Variants in UBA6 observed in about 807,000 individuals in gnomAD.
UBA6 encodes the protein ubiquitin like modifier activating enzyme 6.
Under a neutral mutation model 148.3 loss-of-function variants are expected in UBA6, and 87 were observed. The ratio of observed to expected loss-of-function variants is 0.59; its 90% CI spans 0.49 to 0.70. UBA6 has a LOEUF of 0.70. Among genes scored for constraint, UBA6 ranks in the 30% least tolerant of loss-of-function variants. The pLI is 0.00. For synonymous variants in UBA6, 376 were observed against 401.0 expected (o/e 0.94, Z 0.75); for missense variants, 1,186 against 1,241.2 (o/e 0.96, Z 0.67).
chr4:67,615,824 G>T lies in UBA6; in HGVS notation c.*3173C>A, dbSNP rs1161079647. On this transcript the variant is annotated 3_prime_UTR_variant, in exon 33 of 33. Transcript: ENST00000322244. ...TTGTTTAAGTTTACACACATAGGTG[G>T]TAACACTATAAAAACAAAGAGACAA... 4.0e-6 allele frequency: 1 copy of T among 247,998 alleles called. No individual in the cohort carries two copies. The highest frequency in any genetic ancestry group is 7.6e-6 in the Non-Finnish European group (1 of 131,824). The allele number at this position is 247,998 out of a possible 1,614,324, so 15.4% of individuals were successfully genotyped here. A position where few individuals can be genotyped will look rare whatever the true frequency, so the allele number is the denominator to read the frequency against.
chr4:67,689,662 AG>A (rs1730650131), intron 2 of UBA6, among the ~76,000 whole-genome samples: 1 of 152,122 alleles, frequency 6.6e-6, no homozygotes, highest in Non-Finnish European at 1.5e-5. Flanking sequence ...TTTTTGCTTA[AG>A]GATGGAATGT....
intron 6 of UBA6, 102 bp downstream of exon 6, chr4:67,677,507 TTC>T: frequency 1.9e-6 from 1 of 517,840 alleles, no homozygotes; most frequent in Non-Finnish European, 3.3e-6. Flanking sequence ...AATTTTTTTG[TTC>T]TGTTTCTCAA....
chr4:67,640,359 T>C (rs1355860679), intron 18 of UBA6, among the ~76,000 whole-genome samples: 2 of 152,254 alleles, frequency 1.3e-5, no homozygotes, highest in Non-Finnish European at 1.5e-5. Context: ...GGCAATTAGA[T>C]TAACTATGAC....
rs574962601 is a variant in UBA6, at chr4:67,618,240, G to C, written c.*757C>G. On this transcript the variant is annotated 3_prime_UTR_variant, in exon 33 of 33. Transcript: ENST00000322244. ...AAATAGCCACATTAGAAGGCATACT[G>C]AAGAATCAAATGGTTAGCCACATTT... 2.6e-5 allele frequency: 4 copies of C among 152,660 alleles called. No individual in the cohort carries two copies. Among genetic ancestry groups the C allele is most frequent in the African/African-American group, 9.6e-5 (4 of 41,562 alleles). 9.5% of individuals were successfully genotyped at this position (152,660 alleles called of 1,614,324 possible). A position where few individuals can be genotyped will look rare whatever the true frequency, so the allele number is the denominator to read the frequency against.
intron 13 of UBA6, among the ~76,000 whole-genome samples, chr4:67,649,491 A>G (rs1394070826): frequency 6.6e-6 from 1 of 152,214 alleles, no homozygotes; most frequent in African/African-American, 2.4e-5. Flanking sequence ...TCTACCATTT[A>G]TAGTTTTTGT....
chr4:67,679,013 C>T (rs1730357814), intron 4 of UBA6, among the ~76,000 whole-genome samples: 1 of 151,924 alleles, frequency 6.6e-6, no homozygotes. Context: ...AATCAAAATG[C>T]CCACCAATGG....
At chr4:67,643,549 T>C (rs559515141) in intron 17 of UBA6, among the ~76,000 whole-genome samples, 56 of 152,194 alleles carry the variant, frequency 3.7e-4, no homozygotes, top group African/African-American at 3.4e-4. Context: ...AATTTCTCAT[T>C]AGTGACTTCT....
chr4:67,623,024 A>C (rs1728786212), intron 31 of UBA6, 99 bp from the exon 32 acceptor site: 1 of 1,365,242 alleles, frequency 7.3e-7, no homozygotes. Flanking sequence ...GACCAGTAAA[A>C]AAAGCAAATT....
chr4:67,616,376 A>G lies in UBA6; in HGVS notation c.*2621T>C, dbSNP rs559137450. Reference sequence around the variant, plus strand: ...CTTCATTTTACTAATTATAAAATAAACATAGTTGCTTTTTTAATGTTCCAT... The same window carrying G: ...CTTCATTTTACTAATTATAAAATAAGCATAGTTGCTTTTTTAATGTTCCAT... On this transcript the variant is annotated 3_prime_UTR_variant, in exon 33 of 33. Transcript: ENST00000322244. The G allele has an allele frequency of 2.9e-5, 10 of 349,034 alleles. No individual in the cohort carries two copies. In the South Asian group the frequency reaches 1.4e-3, roughly 47 times the overall value. The allele number at this position is 349,034 out of a possible 1,614,324, so 21.6% of individuals were successfully genotyped here.
chr4:67,663,255 G>C, intron 11 of UBA6, 40 bp from the exon 12 acceptor site: 3 of 1,410,088 alleles, frequency 2.1e-6, no homozygotes, highest in African/African-American at 1.4e-5. Context: ...TTTACTGAGT[G>C]GTTGTATGTC....
In UBA6 at chr4:67,613,294, A is replaced by G. The variant is rs1252444686; in HGVS notation, c.*5703T>C. 21 of 152,366 alleles carry G rather than the reference A, an allele frequency of 1.4e-4. No homozygotes were observed. The East Asian group carries it at 1.7e-3, about 13-fold the overall frequency. The allele number at this position is 152,366 out of a possible 1,614,324, so 9.4% of individuals were successfully genotyped here. Reference sequence around the variant, plus strand: ...GTTTTTTCAAACAATATTGGTAAATAATTAAAGGTAACCAGGCACACAAGG... The same window carrying G: ...GTTTTTTCAAACAATATTGGTAAATGATTAAAGGTAACCAGGCACACAAGG... On this transcript the variant is annotated 3_prime_UTR_variant, in exon 33 of 33. Transcript: ENST00000322244.
Position 67,641,156 on chromosome 4 carries a change from T to C in UBA6, c.1549A>G (p.Ile517Val), listed in dbSNP as rs1447762391. The C allele has an allele frequency of 1.3e-6, 2 of 1,583,840 alleles. No homozygotes were observed. The highest frequency in any genetic ancestry group is 1.7e-6 in the Non-Finnish European group (2 of 1,162,422). ...GAAACAGAATAGCAACATACCTGTA[T>C]GTGATGAGGACGAAATAGGAACTGT... ...NRQFLFRPHH[I>V]QKPKSYTAAD... Residue 517 changes from isoleucine to valine, a missense_variant, in exon 18 of 33, where the codon ATA becomes GTA. Physicochemically the swap from Ile to Val is conservative, Grantham distance 29. Coordinates refer to ENST00000322244, the MANE Select transcript of UBA6 (RefSeq NM_018227.6).
intron 9 of UBA6, among the ~76,000 whole-genome samples, chr4:67,667,265 G>A (rs1183804264): frequency 6.6e-6 from 1 of 151,834 alleles, no homozygotes; most frequent in African/African-American, 2.4e-5. Flanking sequence ...GATATAGTCA[G>A]GAAACAAAAT....
At chr4:67,669,325 C>T (rs141223733) in intron 8 of UBA6, among the ~76,000 whole-genome samples, 1 of 152,142 alleles carries the variant, frequency 6.6e-6, no homozygotes, top group Non-Finnish European at 1.5e-5. Context: ...AATAATCACT[C>T]TTTGAGCAGA....
At chr4:67,638,855 T>A in intron 19 of UBA6, 88 bp downstream of exon 19, 1 of 971,532 alleles carries the variant, frequency 1.0e-6, no homozygotes. Flanking sequence ...AATAATCAGA[T>A]AATTCCGTAA....
chr4:67,627,939 T>C (rs1577790309), intron 27 of UBA6, among the ~76,000 whole-genome samples: 1 of 55,804 alleles, frequency 1.8e-5, no homozygotes, highest in Non-Finnish European at 4.2e-5. Context: ...CCCTATTGCT[T>C]TTTTTTTTTT....
chr4:67,637,657 T>C (rs558039676), intron 19 of UBA6, among the ~76,000 whole-genome samples: 1 of 152,206 alleles, frequency 6.6e-6, no homozygotes, highest in African/African-American at 2.4e-5. Context: ...CGGTGCTCTC[T>C]GAAACGTGTG....
At chr4:67,696,102 T>A (rs1340339601) in intron 2 of UBA6, among the ~76,000 whole-genome samples, 2 of 152,138 alleles carry the variant, frequency 1.3e-5, no homozygotes, top group Admixed American at 6.5e-5. Context: ...CTCCACTGTC[T>A]ATAAATTACA....
At chr4:67,669,117 C>T (rs1300455901) in intron 8 of UBA6, among the ~76,000 whole-genome samples, 1 of 152,128 alleles carries the variant, frequency 6.6e-6, no homozygotes, top group Non-Finnish European at 1.5e-5. Context: ...ACAGCTTGCT[C>T]AACACTTTAA....
Sources: gnomAD v4.1 joint callset for allele counts (sites outside exome capture counted in the v4.1 genomes callset) on GRCh38, gnomAD v4.1.1 for gene constraint, MANE v1.5 for transcripts, NCBI Gene and HGNC (gene_info 2026-07-23, HGNC 2026-07-21) for gene names.